RPN1: variants seen among roughly 807,000 people sequenced by gnomAD.
RPN1 encodes the protein ribophorin I, also known as dolichyl-diphosphooligosaccharide--protein glycosyltransferase subunit 1.
Under a neutral mutation model 55.5 loss-of-function variants are expected in RPN1, and 12 were observed. The ratio of observed to expected loss-of-function variants is 0.22; its 90% CI spans 0.14 to 0.35. The LOEUF (loss-of-function observed/expected upper bound fraction) is 0.35. Among genes scored for constraint, RPN1 ranks in the 10% least tolerant of loss-of-function variants. The pLI is 1.00. For missense variants in RPN1, 679 were observed against 761.3 expected, an observed-to-expected ratio of 0.89 and a Z score of 1.27; for synonymous variants, 317 against 305.9, an observed-to-expected ratio of 1.04 and a Z score of -0.38.
intron 5 of RPN1, among the ~76,000 whole-genome samples, chr3:128,628,664 C>T (rs796498941): frequency 1.2e-5 from 1 of 84,492 alleles, no homozygotes; most frequent in South Asian, 4.1e-4. Context: ...AATCCTCCCA[C>T]CTCAGCCTCC....
Position 128,620,901 on chromosome 3 carries a change from C to T in RPN1, c.1642-308G>A, listed in dbSNP as rs141419635. Reference sequence around the variant, plus strand: ...TATGAAACTACTTGGCAGCACCTATCATGCCCCTGGCACATAGCAGCTCCT... The same window carrying T: ...TATGAAACTACTTGGCAGCACCTATTATGCCCCTGGCACATAGCAGCTCCT... On this transcript the variant is annotated intron_variant, in intron 9 of 9. Coordinates refer to ENST00000296255, the MANE Select transcript of RPN1 (RefSeq NM_002950.4). Among the ~76,000 whole-genome samples the T allele has an allele frequency of 2.5e-3, 374 of 152,328 alleles. 3 individuals carry two copies. Among genetic ancestry groups the T allele is most frequent in the African/African-American group, 8.6e-3 (357 of 41,572 alleles).
intron 4 of RPN1, among the ~76,000 whole-genome samples, chr3:128,631,079 C>G (rs954687197): frequency 6.9e-6 from 1 of 144,744 alleles, no homozygotes; most frequent in African/African-American, 2.6e-5. Context: ...TGCCACTACA[C>G]TCCAGCCTGG....
At chr3:128,637,545 G>A (rs754942993) in intron 3 of RPN1, among the ~76,000 whole-genome samples, 3 of 151,978 alleles carry the variant, frequency 2.0e-5, no homozygotes, top group Non-Finnish European at 4.4e-5. Context: ...GCCTCTGCGT[G>A]GAATGCCTTG....
At chr3:128,647,781 T>C (rs184573787) in intron 1 of RPN1, among the ~76,000 whole-genome samples, 10 of 152,220 alleles carry the variant, frequency 6.6e-5, no homozygotes, top group African/African-American at 2.2e-4. Context: ...ATTTGTTTTA[T>C]TGAAAAATAT....
intron 8 of RPN1, 114 bp downstream of exon 8, chr3:128,625,419 AG>A: frequency 2.0e-6 from 3 of 1,502,738 alleles, no homozygotes; most frequent in Non-Finnish European, 2.7e-6. Flanking sequence ...GAGCACAGGC[AG>A]GGGTCTTTTG....
chr3:128,623,706 C>CT (rs1362700062), intron 8 of RPN1, among the ~76,000 whole-genome samples: 1 of 151,934 alleles, frequency 6.6e-6, no homozygotes. Flanking sequence ...GGATGTTGGT[C>CT]AACAGTACTA....
intron 3 of RPN1, among the ~76,000 whole-genome samples, chr3:128,635,640 G>GAT (rs1162489418): frequency 2.4e-4 from 27 of 114,078 alleles, no homozygotes; most frequent in South Asian, 1.9e-3. Context: ...TATATATATA[G>GAT]ATATATATAT....
At chr3:128,642,883 T>C (rs2069736694) in intron 2 of RPN1, among the ~76,000 whole-genome samples, 1 of 151,482 alleles carries the variant, frequency 6.6e-6, no homozygotes, top group African/African-American at 2.4e-5. Flanking sequence ...CTGGGCGTGG[T>C]AGCACGCGCC....
At chr3:128,640,873 C>T (rs886399943) in intron 2 of RPN1, among the ~76,000 whole-genome samples, 1 of 152,172 alleles carries the variant, frequency 6.6e-6, no homozygotes, top group Non-Finnish European at 1.5e-5. Flanking sequence ...TCTACACAAT[C>T]TCAAATCAAC....
At chr3:128,645,544 T>G (rs1186074222) in intron 1 of RPN1, among the ~76,000 whole-genome samples, 1 of 150,612 alleles carries the variant, frequency 6.6e-6, no homozygotes, top group African/African-American at 2.4e-5. Flanking sequence ...CACAGCTGGG[T>G]GTGGTAGCTC....
At chr3:128,645,363 G>C (rs771203515) in intron 1 of RPN1, among the ~76,000 whole-genome samples, 4 of 151,954 alleles carry the variant, frequency 2.6e-5, no homozygotes, top group Non-Finnish European at 5.9e-5. Flanking sequence ...CCAGCTACTC[G>C]GGAGGCTGAG....
At chr3:128,635,686 G>C (rs753047546) in intron 3 of RPN1, among the ~76,000 whole-genome samples, 43,322 of 112,646 alleles carry the variant, frequency 0.38, 7,260 homozygotes, top group Middle Eastern at 0.41. Context: ...GATATCTATA[G>C]ATATACACAC....
chr3:128,629,870 C>G (rs2069629116), intron 5 of RPN1, 81 bp downstream of exon 5: 1 of 775,170 alleles, frequency 1.3e-6, no homozygotes, highest in African/African-American at 1.8e-5. Context: ...CACACCCCAT[C>G]TATAAAGACT....
At chr3:128,645,718 G>A (rs1010800492) in intron 1 of RPN1, among the ~76,000 whole-genome samples, 1 of 152,066 alleles carries the variant, frequency 6.6e-6, no homozygotes, top group African/African-American at 2.4e-5. Context: ...TAGGGAGGCT[G>A]AGGCAGAACA....
chr3:128,629,380 G>A (rs544812536), intron 5 of RPN1, among the ~76,000 whole-genome samples: 1 of 152,128 alleles, frequency 6.6e-6, no homozygotes, highest in Non-Finnish European at 1.5e-5. Context: ...GGCCAACATG[G>A]TGAAACCCCA....
intron 3 of RPN1, among the ~76,000 whole-genome samples, chr3:128,633,076 T>C (rs1363989278): frequency 6.6e-6 from 1 of 152,182 alleles, no homozygotes; most frequent in African/African-American, 2.4e-5. Context: ...AAAACTACAA[T>C]TCACTCATAA....
intron 4 of RPN1, 93 bp downstream of exon 4, chr3:128,631,855 T>G: frequency 7.3e-7 from 1 of 1,363,534 alleles, no homozygotes; most frequent in Non-Finnish European, 1.0e-6. Context: ...CCTAAACAAC[T>G]GCCTAAATAT....
chr3:128,643,590 G>A lies in RPN1; in HGVS notation c.326+1329C>T, dbSNP rs143130033. Among the ~76,000 whole-genome samples the A allele has an allele frequency of 3.9e-5, 6 of 152,210 alleles. No individual in the cohort carries two copies. The East Asian group carries it at 1.2e-3, about 29-fold the overall frequency. ...GGCGGCAGATCACCTGAGGTCAGGAGTTCAAGACCAGCCTGACCAATATGG... is the reference window on the plus strand; with the variant it reads ...GGCGGCAGATCACCTGAGGTCAGGAATTCAAGACCAGCCTGACCAATATGG... On this transcript the variant is annotated intron_variant, in intron 2 of 9. Transcript: ENST00000296255.
At chr3:128,638,169 T>C in intron 2 of RPN1, 64 bp from the exon 3 acceptor site, 2 of 1,276,620 alleles carry the variant, frequency 1.6e-6, no homozygotes, top group East Asian at 4.6e-5. Flanking sequence ...GTAGTAGCAG[T>C]TCAAAGTCAC....
Sources: allele counts gnomAD v4.1 joint callset (sites outside exome capture counted in the v4.1 genomes callset), GRCh38; gene constraint gnomAD v4.1.1; transcripts MANE v1.5; gene names NCBI Gene and HGNC (gene_info 2026-07-23, HGNC 2026-07-21).